CDH9: variants seen among roughly 807,000 people sequenced by gnomAD.
The protein encoded by CDH9 is cadherin 9.
A neutral mutation model predicts 70.9 loss-of-function variants in CDH9; 28 were observed. The ratio of observed to expected loss-of-function variants is 0.40; its 90% CI spans 0.29 to 0.54. The LOEUF is 0.54. Among genes scored for constraint, CDH9 ranks in the 20% least tolerant of loss-of-function variants. The pLI is 0.59. For missense variants in CDH9, 874 were observed against 984.4 expected (o/e 0.89, Z 1.50); for synonymous variants, 409 against 343.1 (o/e 1.19, Z -2.12).
intron 2 of CDH9, among the ~76,000 whole-genome samples, chr5:26,927,623 T>C (rs1437156866): frequency 6.6e-6 from 1 of 152,034 alleles, no homozygotes; most frequent in Non-Finnish European, 1.5e-5. Context: ...ACCAATCAGC[T>C]ACTGAGAACT....
At chr5:26,992,075 C>A (rs117729452) in intron 1 of CDH9, among the ~76,000 whole-genome samples, 1,715 of 152,224 alleles carry the variant, frequency 0.011, 25 homozygotes, top group East Asian at 0.06. Flanking sequence ...GCACTGGATT[C>A]TCATAAGCAG....
In CDH9 at chr5:26,890,519, A is replaced by G; in HGVS notation, c.1299T>C (p.Ile433=). 1 of 1,606,540 alleles carries G rather than the reference A, an allele frequency of 6.2e-7. No homozygotes were observed. The highest frequency in any genetic ancestry group is 1.7e-4 in the Middle Eastern group (1 of 6,044). ...RHTDMDRIFG[I]HSENGSIFTL... is the part of the protein sequence containing the mutation. ...TGAAAATAGAACCATTTTCTGAGTG[A>G]ATACCAAAAATACGGTCCATATCAG... The change falls in exon 8 of 12, where the codon ATT becomes ATC. Residue 433 remains isoleucine, a synonymous_variant. Coordinates refer to ENST00000231021, the MANE Select transcript of CDH9 (RefSeq NM_016279.4).
At chr5:26,988,631 A>G in intron 1 of CDH9, among the ~76,000 whole-genome samples, 1 of 152,000 alleles carries the variant, frequency 6.6e-6, no homozygotes, top group East Asian at 1.9e-4. Flanking sequence ...AAACAATCAG[A>G]TACATATTAA....
At chr5:26,999,449 G>T (rs1258064244) in intron 1 of CDH9, among the ~76,000 whole-genome samples, 1 of 152,004 alleles carries the variant, frequency 6.6e-6, no homozygotes, top group Non-Finnish European at 1.5e-5. Flanking sequence ...CAAGTGTTAT[G>T]AATAAAAACA....
chr5:26,933,758 G>A (rs549718355), intron 2 of CDH9, among the ~76,000 whole-genome samples: 3 of 150,976 alleles, frequency 2.0e-5, no homozygotes, highest in Non-Finnish European at 2.9e-5. Context: ...CCAGCCAGGC[G>A]ACAGAGCAAG....
At chr5:26,993,275 T>C (rs1742611492) in intron 1 of CDH9, among the ~76,000 whole-genome samples, 1 of 152,160 alleles carries the variant, frequency 6.6e-6, no homozygotes, top group Non-Finnish European at 1.5e-5. Flanking sequence ...CTAAATTGTG[T>C]TTATGTTCCA....
chr5:26,889,160 G>A (rs1179157119), intron 9 of CDH9, among the ~76,000 whole-genome samples: 1 of 152,096 alleles, frequency 6.6e-6, no homozygotes, highest in Non-Finnish European at 1.5e-5. Context: ...TATCTTTAAA[G>A]TAGTTAATTA....
chr5:26,958,023 C>T (rs1741974701), intron 2 of CDH9, among the ~76,000 whole-genome samples: 1 of 152,044 alleles, frequency 6.6e-6, no homozygotes. Flanking sequence ...AGAAGAAATT[C>T]TAGCAAGTTC....
intron 2 of CDH9, among the ~76,000 whole-genome samples, chr5:26,959,857 G>A (rs1490933898): frequency 6.6e-6 from 1 of 151,738 alleles, no homozygotes; most frequent in African/African-American, 2.4e-5. Context: ...GATTGTCAGT[G>A]TTCGGGAACT....
At chr5:26,994,208 T>C (rs779513234) in intron 1 of CDH9, among the ~76,000 whole-genome samples, 35 of 152,188 alleles carry the variant, frequency 2.3e-4, no homozygotes, top group Non-Finnish European at 5.0e-4. Flanking sequence ...TTACATGATA[T>C]TAGATGAGAT....
At chr5:26,980,086 C>A (rs1742372757) in intron 2 of CDH9, among the ~76,000 whole-genome samples, 1 of 151,774 alleles carries the variant, frequency 6.6e-6, no homozygotes, top group South Asian at 2.1e-4. Context: ...ATATAAGAAA[C>A]ATTTACCAAA....
intron 2 of CDH9, among the ~76,000 whole-genome samples, chr5:26,978,380 TAAC>T (rs1205364458): frequency 2.0e-5 from 3 of 151,822 alleles, no homozygotes; most frequent in Non-Finnish European, 2.9e-5. Flanking sequence ...GAAATTATAA[TAAC>T]TGAATTAAAA....
In CDH9 at chr5:26,898,407, C is replaced by T. The variant is rs1740790884; in HGVS notation, c.1253+4069G>A. Among the ~76,000 whole-genome samples, 3 of 151,984 alleles carry T rather than the reference C, an allele frequency of 2.0e-5. No homozygotes were observed. In the South Asian group the frequency reaches 6.2e-4, roughly 32 times the overall value. The stretch of plus-strand genomic sequence containing the variant: ...AAGAACAAAGCTGGAGGCATCACGC[C>T]ACCTGACTTCAAACTACACTGCAAG... On this transcript the variant is annotated intron_variant, in intron 7 of 11. Transcript: ENST00000231021.
At chr5:26,902,773 T>C (rs1011437783) in intron 6 of CDH9, 44 bp from the exon 7 acceptor site, 28 of 1,193,242 alleles carry the variant, frequency 2.3e-5, no homozygotes, top group Non-Finnish European at 3.3e-5. Flanking sequence ...ATTCAGAAGA[T>C]ATGACAATGA....
chr5:27,006,005 A>G (rs960468797), intron 1 of CDH9, among the ~76,000 whole-genome samples: 11 of 151,912 alleles, frequency 7.2e-5, no homozygotes, highest in Admixed American at 5.9e-4. Context: ...ACGACAGACA[A>G]TAGGAGCTAC....
intron 2 of CDH9, among the ~76,000 whole-genome samples, chr5:26,916,544 T>C (rs991364212): frequency 1.3e-5 from 2 of 152,002 alleles, no homozygotes; most frequent in African/African-American, 4.8e-5. Context: ...CAATAAGTGA[T>C]AAGCAACAAT....
chr5:26,882,787 A>G (rs1202752491), intron 11 of CDH9, among the ~76,000 whole-genome samples: 2 of 151,556 alleles, frequency 1.3e-5, no homozygotes, highest in Non-Finnish European at 2.9e-5. Flanking sequence ...TGAAGAAGCT[A>G]TTATTCTTTT....
chr5:26,999,810 G>A (rs1742732376), intron 1 of CDH9, among the ~76,000 whole-genome samples: 1 of 151,956 alleles, frequency 6.6e-6, no homozygotes, highest in African/African-American at 2.4e-5. Context: ...TTTTTCAGAG[G>A]ACAAAAGGAC....
At chr5:26,939,217 T>A (rs1234075831) in intron 2 of CDH9, among the ~76,000 whole-genome samples, 1 of 151,710 alleles carries the variant, frequency 6.6e-6, no homozygotes, top group African/African-American at 2.4e-5. Context: ...AGCTGGAATC[T>A]GAAAAATGTC....
Sources: gnomAD v4.1 joint callset for allele counts (sites outside exome capture counted in the v4.1 genomes callset) on GRCh38, gnomAD v4.1.1 for gene constraint, MANE v1.5 for transcripts, NCBI Gene and HGNC (gene_info 2026-07-23, HGNC 2026-07-21) for gene names.